ZC3H7B: variants seen among roughly 807,000 people sequenced by gnomAD.
ZC3H7B encodes zinc finger CCCH domain-containing protein 7B.
In ZC3H7B, 35 loss-of-function variants were observed where a neutral mutation model predicts 116.0. The observed-to-expected ratio is 0.30, with a 90% confidence interval of 0.23 to 0.40. The LOEUF is 0.40. Ranked by LOEUF, ZC3H7B falls within the 10% of genes least tolerant of loss-of-function variation. The pLI is 1.00. For synonymous variants in ZC3H7B, 502 were observed against 545.6 expected, an observed-to-expected ratio of 0.92 and a Z score of 1.11; for missense variants, 1,011 against 1,321.5, an observed-to-expected ratio of 0.77 and a Z score of 3.64.
chr22:41,332,419 C>G (rs923100409), intron 7 of ZC3H7B, 192 bp downstream of exon 7: 2 of 660,512 alleles, frequency 3.0e-6, no homozygotes, highest in Non-Finnish European at 5.2e-6. Flanking sequence ...TGGTCATTGC[C>G]GGGGAGCCGC....
chr22:41,348,286 G>A lies in ZC3H7B; in HGVS notation c.1766+119G>A, dbSNP rs1291042941. ...GGTGGATGTAGGGTGCAAGGAAAGGGGCAGAATTTGGGAATCAAATCCAGC... is the reference window on the plus strand; with the variant it reads ...GGTGGATGTAGGGTGCAAGGAAAGGAGCAGAATTTGGGAATCAAATCCAGC... On this transcript the variant is annotated intron_variant, in intron 15 of 22. Transcript: ENST00000352645. 12 of 819,212 alleles carry A rather than the reference G, an allele frequency of 1.5e-5. No individual in the cohort carries two copies. In the African/African-American group the frequency reaches 1.7e-4, roughly 12 times the overall value. The allele number at this position is 819,212 out of a possible 1,614,324, so 50.7% of individuals were successfully genotyped here. A position where few individuals can be genotyped will look rare whatever the true frequency, so the allele number is the denominator to read the frequency against.
intron 1 of ZC3H7B, among the ~76,000 whole-genome samples, chr22:41,309,285 C>T (rs2036088380): frequency 6.6e-6 from 1 of 150,850 alleles, no homozygotes; most frequent in South Asian, 2.1e-4. Context: ...GCTGGGATTA[C>T]AGGCGTGAGC....
chr22:41,340,991 G>T, intron 10 of ZC3H7B, 97 bp from the exon 11 acceptor site: 1 of 1,193,284 alleles, frequency 8.4e-7, no homozygotes, highest in South Asian at 1.3e-5. Flanking sequence ...TGGCCTGGGG[G>T]CTTCTCCGAG....
At chr22:41,320,046 TGGG>T (rs1446231941) in intron 1 of ZC3H7B, among the ~76,000 whole-genome samples, 9 of 127,066 alleles carry the variant, frequency 7.1e-5, no homozygotes, top group Non-Finnish European at 1.2e-4. Flanking sequence ...AAAAAAAAAA[TGGG>T]GGGCCGGGCA....
Position 41,356,133 on chromosome 22 carries a change from G to C in ZC3H7B, c.2383+71G>C, listed in dbSNP as rs751068. 4.5e-5 allele frequency: 66 copies of C among 1,469,974 alleles called. No homozygotes were observed. The Admixed American group carries it at 6.8e-4, about 15-fold the overall frequency. The allele number at this position is 1,469,974 out of a possible 1,614,324, so 91.1% of individuals were successfully genotyped here. A position where few individuals can be genotyped will look rare whatever the true frequency, so the allele number is the denominator to read the frequency against. Reference sequence around the variant, plus strand: ...CAGTGCTGAATGTCTCAATTCACCAGCGGGCCCAAGAGCGTCCACTGCACC... The same window carrying C: ...CAGTGCTGAATGTCTCAATTCACCACCGGGCCCAAGAGCGTCCACTGCACC... On this transcript the variant is annotated intron_variant, in intron 20 of 22. Coordinates refer to ENST00000352645, the MANE Select transcript of ZC3H7B (RefSeq NM_017590.6).
rs2036337468 is a variant in ZC3H7B, at chr22:41,327,883, G to C, written c.444+519G>C. 6.6e-6 allele frequency among the ~76,000 whole-genome samples: 1 copy of C among 152,212 alleles called. No homozygotes were observed. The highest frequency in any genetic ancestry group is 6.5e-5 in the Admixed American group (1 of 15,284). On this transcript the variant is annotated intron_variant, in intron 5 of 22. Coordinates refer to ENST00000352645, the MANE Select transcript of ZC3H7B (RefSeq NM_017590.6). The surrounding 1 kb of genome is among the most constrained non-coding windows in gnomAD (Gnocchi z 4.5). ...TCATGCCTGTAATCCCAGCACTGTG[G>C]GAGGCCAAGGCGGGAGGATCACTTG... is the stretch of plus-strand genomic sequence containing the variant.
rs2035979797 is a variant in ZC3H7B, at chr22:41,302,395, TC to T, written c.-7+624del. On this transcript the variant is annotated intron_variant, in intron 1 of 22. Coordinates refer to ENST00000352645, the MANE Select transcript of ZC3H7B (RefSeq NM_017590.6). The surrounding 1 kb of genome is among the most constrained non-coding windows in gnomAD (Gnocchi z 5.7). Reference sequence around the variant, plus strand: ...GGGGCGGCAGGAAAGGGGGGCGCGGTCTGGGCCTGCTGGGCAGGGGGGCGTT... The same window carrying T: ...GGGGCGGCAGGAAAGGGGGGCGCGGTTGGGCCTGCTGGGCAGGGGGGCGTT... Among the ~76,000 whole-genome samples the T allele has an allele frequency of 6.6e-6, 1 of 151,734 alleles. No individual in the cohort carries two copies. Among genetic ancestry groups the T allele is most frequent in the Admixed American group, 6.6e-5 (1 of 15,248 alleles).
Position 41,338,935 on chromosome 22 carries a change from C to G in ZC3H7B, c.626-66C>G. 6.9e-7 allele frequency: 1 copy of G among 1,443,952 alleles called. No homozygotes were observed. The highest frequency in any genetic ancestry group is 9.2e-7 in the Non-Finnish European group (1 of 1,090,558). The allele number at this position is 1,443,952 out of a possible 1,614,324, so 89.4% of individuals were successfully genotyped here. A position where few individuals can be genotyped will look rare whatever the true frequency, so the allele number is the denominator to read the frequency against. ...AAGTGTTGGATGAGCATCACGGGGCCCGGGACGCCTCCTCCACCCTCACCA... is the reference window on the plus strand; with the variant it reads ...AAGTGTTGGATGAGCATCACGGGGCGCGGGACGCCTCCTCCACCCTCACCA... On this transcript the variant is annotated intron_variant, in intron 8 of 22. Coordinates refer to ENST00000352645, the MANE Select transcript of ZC3H7B (RefSeq NM_017590.6). The surrounding 1 kb of genome is among the most constrained non-coding windows in gnomAD (Gnocchi z 4.5).
At position 41,355,846 on chromosome 22, in the gene ZC3H7B, T is replaced by C; in HGVS notation, c.2258T>C (p.Phe753Ser). The change falls in exon 19 of 23, where the codon TTC becomes TCC. Residue 753 changes from phenylalanine to serine, a missense_variant. By Grantham distance (155) the Phe-to-Ser change is radical. Coordinates refer to ENST00000352645, the MANE Select transcript of ZC3H7B (RefSeq NM_017590.6). The part of the protein sequence containing the change: ...SVRPLPSIRN[F>S]PQQYDLCIHA... ...AGGCCACTGCCATCCATTCGTAACT[T>C]CCCACAGCAATACGATGTGAGCGCT... is the stretch of plus-strand genomic sequence containing the variant. 1 of 1,613,662 alleles carries C rather than the reference T, an allele frequency of 6.2e-7. No individual in the cohort carries two copies. Among genetic ancestry groups the C allele is most frequent in the Non-Finnish European group, 8.5e-7 (1 of 1,179,992 alleles).
rs2036711018 is a variant in ZC3H7B, at chr22:41,356,016, C to T, written c.2337C>T (p.His779=). The change falls in exon 20 of 23, where the codon CAC becomes CAT. Residue 779 remains histidine, a synonymous_variant. Transcript: ENST00000352645. Reference sequence around the variant, plus strand: ...ATGTGGGGAACTGCTCCTTCGCACACAGCCCGGAGGAGAGGGACATGTGGA... The same window carrying T: ...ATGTGGGGAACTGCTCCTTCGCACATAGCCCGGAGGAGAGGGACATGTGGA... The part of the protein sequence containing the change: ...CQYVGNCSFA[H]SPEERDMWTF... 1 of 1,569,720 alleles carries T rather than the reference C, an allele frequency of 6.4e-7. No individual in the cohort carries two copies. The highest frequency in any genetic ancestry group is 2.2e-5 in the East Asian group (1 of 44,520).
At chr22:41,347,198 C>T (rs2039909490) in intron 14 of ZC3H7B, among the ~76,000 whole-genome samples, 1 of 152,220 alleles carries the variant, frequency 6.6e-6, no homozygotes, top group Non-Finnish European at 1.5e-5. Context: ...ACCCCCAGGA[C>T]ACAGGCAGAT....
chr22:41,315,209 A>G (rs1343183383), intron 1 of ZC3H7B, among the ~76,000 whole-genome samples: 1 of 151,744 alleles, frequency 6.6e-6, no homozygotes, highest in African/African-American at 2.4e-5. Context: ...TTCCACACGC[A>G]CGTGCTAGAG....
intron 4 of ZC3H7B, among the ~76,000 whole-genome samples, chr22:41,326,533 C>G (rs1261234952): frequency 1.3e-5 from 2 of 152,074 alleles, no homozygotes; most frequent in African/African-American, 4.8e-5. Flanking sequence ...AGCCTCCTCA[C>G]TGTTCCTCCC....
At position 41,349,427 on chromosome 22, in the gene ZC3H7B, G is replaced by A. The variant is rs1310790340; in HGVS notation, c.1948+126G>A. ...CCCCATGGTCGCTGGAGGGGGCTTC[G>A]GGAGAGTTCAGGAGAGGTGGCTGCG... is the stretch of plus-strand genomic sequence containing the variant. On this transcript the variant is annotated intron_variant, in intron 16 of 22. Coordinates refer to ENST00000352645, the MANE Select transcript of ZC3H7B (RefSeq NM_017590.6). This position sits in a 1 kb window ranked among gnomAD's most constrained non-coding sequence, Gnocchi z 4.9. The A allele has an allele frequency of 3.5e-5, 45 of 1,300,340 alleles. No individual in the cohort carries two copies. The highest frequency in any genetic ancestry group is 2.6e-4 in the Middle Eastern group (1 of 3,836). 80.6% of individuals were successfully genotyped at this position (1,300,340 alleles called of 1,614,324 possible). A position where few individuals can be genotyped will look rare whatever the true frequency, so the allele number is the denominator to read the frequency against.
intron 1 of ZC3H7B, among the ~76,000 whole-genome samples, chr22:41,314,290 G>A (rs966683980): frequency 2.0e-5 from 3 of 151,620 alleles, no homozygotes; most frequent in Non-Finnish European, 4.4e-5. Flanking sequence ...CCGAGTAGTT[G>A]GGACTATAGG....
At chr22:41,355,072 CACAGGAGATGCGCTTGAGCTG>C (rs1403751771) in intron 17 of ZC3H7B, among the ~76,000 whole-genome samples, 1 of 152,230 alleles carries the variant, frequency 6.6e-6, no homozygotes, top group Non-Finnish European at 1.5e-5. Flanking sequence ...GCAGGCTTCC[CACAGGAGATGCGCTTGAGCTG>C]AGTTTTGAAG....
intron 10 of ZC3H7B, among the ~76,000 whole-genome samples, 167 bp from the exon 11 acceptor site, chr22:41,340,921 C>T (rs1342140522): frequency 1.3e-5 from 2 of 152,066 alleles, no homozygotes; most frequent in Admixed American, 6.6e-5. Context: ...CGTCTTTGCC[C>T]CTGGGGAGTG....
At chr22:41,311,069 T>C (rs971989139) in intron 1 of ZC3H7B, among the ~76,000 whole-genome samples, 1 of 131,592 alleles carries the variant, frequency 7.6e-6, no homozygotes. Flanking sequence ...CCAGCCTCAC[T>C]TTTTTTTTTT....
At chr22:41,311,132 G>A (rs1425016681) in intron 1 of ZC3H7B, among the ~76,000 whole-genome samples, 1 of 150,564 alleles carries the variant, frequency 6.6e-6, no homozygotes, top group African/African-American at 2.5e-5. Context: ...GTGCACATCG[G>A]TTTTGAGTGG....
Sources: allele counts gnomAD v4.1 joint callset (sites outside exome capture counted in the v4.1 genomes callset), GRCh38; gene constraint gnomAD v4.1.1; non-coding constraint Gnocchi (gnomAD v3.1); transcripts MANE v1.5; gene names NCBI Gene and HGNC (gene_info 2026-07-23, HGNC 2026-07-21).